Variants in IMMP2L observed in about 807,000 individuals in gnomAD.
The protein encoded by IMMP2L is inner mitochondrial membrane peptidase subunit 2, also known as mitochondrial inner membrane protease subunit 2.
In IMMP2L, 18 loss-of-function variants were observed where a neutral mutation model predicts 19.3. That is an observed-to-expected ratio of 0.93 (90% CI 0.64 to 1.38). The LOEUF is 1.38. IMMP2L is among the 40% of genes most tolerant of loss of function. The pLI is 0.00. For synonymous variants in IMMP2L, 76 were observed against 73.0 expected, an observed-to-expected ratio of 1.04 and a Z score of -0.21; for missense variants, 233 against 218.2, an observed-to-expected ratio of 1.07 and a Z score of -0.43.
At chr7:111,240,257 A>G (rs973379034) in intron 3 of IMMP2L, among the ~76,000 whole-genome samples, 1 of 152,034 alleles carries the variant, frequency 6.6e-6, no homozygotes, top group Admixed American at 6.6e-5. Flanking sequence ...TTAAACTGAC[A>G]GAAACTCATC....
chr7:111,156,426 C>T (rs1804653551), intron 3 of IMMP2L, among the ~76,000 whole-genome samples: 1 of 152,048 alleles, frequency 6.6e-6, no homozygotes, highest in Admixed American at 6.6e-5. Context: ...TTGTTATCTG[C>T]TAATGTTAGT....
chr7:111,375,084 G>A (rs1469402614), intron 3 of IMMP2L, among the ~76,000 whole-genome samples: 2 of 152,008 alleles, frequency 1.3e-5, no homozygotes, highest in African/African-American at 4.8e-5. Flanking sequence ...TGCTCAGAAA[G>A]AGAGTCTTCA....
Position 111,219,942 on chromosome 7 carries a change from C to A in IMMP2L, c.240-256377G>T, listed in dbSNP as rs183011966. Reference sequence around the variant, plus strand: ...TTATTTTAACTTCTTTTATCAGAAGCCAATAAGTAGCTAGTGGAAAAAGAA... The same window carrying A: ...TTATTTTAACTTCTTTTATCAGAAGACAATAAGTAGCTAGTGGAAAAAGAA... On this transcript the variant is annotated intron_variant, in intron 3 of 5. Transcript: ENST00000405709. 1.6e-3 allele frequency among the ~76,000 whole-genome samples: 238 copies of A among 151,970 alleles called. 1 individual carries two copies. The highest frequency in any genetic ancestry group is 5.5e-3 in the African/African-American group (229 of 41,486).
rs777862357 is a variant in IMMP2L, at chr7:111,556,018, G to GTGTGTATATA, written c.-3+5832_-3+5833insTATATACACA. 1.2e-3 allele frequency among the ~76,000 whole-genome samples: 110 copies of GTGTGTATATA among 91,272 alleles called. 2 individuals carry two copies. Among genetic ancestry groups the GTGTGTATATA allele is most frequent in the Middle Eastern group, 5.3e-3 (1 of 190 alleles). The allele number at this position is 91,272 out of a possible 152,430, so 59.9% of individuals were successfully genotyped here. A position where few individuals can be genotyped will look rare whatever the true frequency, so the allele number is the denominator to read the frequency against. ...TTAGCCATCCCTCTTCTGTGTGCAT[G>GTGTGTATATA]TATATATATATATATATACATACCC... On this transcript the variant is annotated intron_variant, in intron 1 of 5. Transcript: ENST00000405709.
chr7:111,050,894 T>C (rs1056816177), intron 3 of IMMP2L, among the ~76,000 whole-genome samples: 6 of 152,194 alleles, frequency 3.9e-5, no homozygotes, highest in African/African-American at 1.2e-4. Flanking sequence ...TAGTCATCAG[T>C]CCTCTTGTCT....
chr7:111,072,392 G>A (rs1399069858), intron 3 of IMMP2L, among the ~76,000 whole-genome samples: 2 of 152,216 alleles, frequency 1.3e-5, no homozygotes, highest in Non-Finnish European at 2.9e-5. Flanking sequence ...GATCACAGTT[G>A]ATGTCACCGA....
chr7:110,942,398 T>G (rs957527633), intron 4 of IMMP2L, among the ~76,000 whole-genome samples: 2 of 151,948 alleles, frequency 1.3e-5, no homozygotes, highest in African/African-American at 4.8e-5. Context: ...CTTTTTCATG[T>G]ACAAAGCATA....
At chr7:111,293,797 C>T (rs915870707) in intron 3 of IMMP2L, among the ~76,000 whole-genome samples, 10 of 151,702 alleles carry the variant, frequency 6.6e-5, no homozygotes, top group Non-Finnish European at 1.0e-4. Flanking sequence ...GAACACTTTA[C>T]CACAAGTGAA....
At chr7:110,755,228 T>A (rs1255315096) in intron 5 of IMMP2L, among the ~76,000 whole-genome samples, 2 of 152,080 alleles carry the variant, frequency 1.3e-5, no homozygotes, top group East Asian at 3.9e-4. Flanking sequence ...TTAGGTATAT[T>A]TAGTTTTCTT....
intron 3 of IMMP2L, among the ~76,000 whole-genome samples, chr7:111,159,726 C>CA (rs1805044500): frequency 6.6e-6 from 1 of 151,834 alleles, no homozygotes; most frequent in African/African-American, 2.4e-5. Context: ...TCAGGTGAGT[C>CA]ATATATGTAA....
intron 5 of IMMP2L, among the ~76,000 whole-genome samples, chr7:110,753,980 T>C (rs1255260154): frequency 6.6e-6 from 1 of 151,956 alleles, no homozygotes; most frequent in African/African-American, 2.4e-5. Context: ...TCCCAGTAAA[T>C]GGGTCTTAAG....
At chr7:111,480,085 CT>C (rs745928732) in intron 3 of IMMP2L, among the ~76,000 whole-genome samples, 230 of 141,034 alleles carry the variant, frequency 1.6e-3, no homozygotes, top group Middle Eastern at 3.7e-3. Flanking sequence ...AGGATACCAA[CT>C]TTTTTTTTTT....
intron 3 of IMMP2L, among the ~76,000 whole-genome samples, chr7:110,996,892 G>C (rs1050548305): frequency 2.0e-5 from 3 of 151,988 alleles, no homozygotes; most frequent in Admixed American, 6.6e-5. Context: ...AGTTGTGAGT[G>C]TGTGTGTGTA....
At chr7:110,677,150 G>C (rs1214942677) in intron 5 of IMMP2L, among the ~76,000 whole-genome samples, 1 of 152,140 alleles carries the variant, frequency 6.6e-6, no homozygotes, top group Non-Finnish European at 1.5e-5. Context: ...AAGAAAAAGT[G>C]AGAAGAACAA....
chr7:111,124,623 T>A (rs1801070592), intron 3 of IMMP2L: 5 of 1,613,720 alleles, frequency 3.1e-6, no homozygotes, highest in East Asian at 4.5e-5. Flanking sequence ...TGCACCCTGA[T>A]CAAAAAGAGT....
At chr7:111,250,692 G>C (rs1448819329) in intron 3 of IMMP2L, among the ~76,000 whole-genome samples, 1 of 152,112 alleles carries the variant, frequency 6.6e-6, no homozygotes, top group Non-Finnish European at 1.5e-5. Flanking sequence ...GGGAAAACTG[G>C]CTAGCCATAT....
intron 3 of IMMP2L, among the ~76,000 whole-genome samples, chr7:110,995,611 A>G (rs1458546687): frequency 6.6e-6 from 1 of 152,112 alleles, no homozygotes; most frequent in Non-Finnish European, 1.5e-5. Context: ...CAGACTTTGT[A>G]TTTCAGTTCT....
intron 3 of IMMP2L, among the ~76,000 whole-genome samples, chr7:111,390,028 A>G (rs1832183116): frequency 6.6e-6 from 1 of 152,214 alleles, no homozygotes; most frequent in Non-Finnish European, 1.5e-5. Context: ...TTTCCCTGAT[A>G]GTCACAAAAT....
chr7:111,158,222 G>T (rs2129605484), intron 3 of IMMP2L, among the ~76,000 whole-genome samples: 1 of 151,972 alleles, frequency 6.6e-6, no homozygotes, highest in East Asian at 1.9e-4. Context: ...ACATGTCAAA[G>T]AAAATATATT....
Sources: allele counts gnomAD v4.1 joint callset (sites outside exome capture counted in the v4.1 genomes callset), GRCh38; gene constraint gnomAD v4.1.1; transcripts MANE v1.5; gene names NCBI Gene and HGNC (gene_info 2026-07-23, HGNC 2026-07-21).